Variants in MARCHF7 observed in about 807,000 individuals in gnomAD.
MARCHF7 encodes the protein membrane associated ring-CH-type finger 7.
MARCHF7 carries 20 observed loss-of-function variants against 76.5 expected under a neutral mutation model. The ratio of observed to expected loss-of-function variants is 0.26; its 90% confidence interval spans 0.18 to 0.38. MARCHF7 has a LOEUF of 0.38. MARCHF7 is among the 10% of genes least tolerant of loss of function. MARCHF7 has a pLI of 1.00. For synonymous variants in MARCHF7, 295 were observed against 293.0 expected, an observed-to-expected ratio of 1.01 and a Z score of -0.07; for missense variants, 797 against 812.9, an observed-to-expected ratio of 0.98 and a Z score of 0.24.
At chr2:159,725,685 C>T (rs6732753) in intron 3 of MARCHF7, among the ~76,000 whole-genome samples, 9,645 of 152,200 alleles carry the variant, frequency 0.063, 985 homozygotes, top group African/African-American at 0.22. Context: ...TTTTCCTCTC[C>T]CTGCAACATC....
intron 8 of MARCHF7, among the ~76,000 whole-genome samples, chr2:159,758,887 A>G (rs1441220586): frequency 6.6e-6 from 1 of 152,200 alleles, no homozygotes; most frequent in Admixed American, 6.5e-5. Context: ...CATCACGTCA[A>G]AGTACTTAAG....
chr2:159,737,595 G>A (rs1426806616), intron 4 of MARCHF7, among the ~76,000 whole-genome samples: 1 of 152,172 alleles, frequency 6.6e-6, no homozygotes, highest in Non-Finnish European at 1.5e-5. Flanking sequence ...TGAGACCTGT[G>A]CAACATAGTG....
At chr2:159,732,709 T>A in intron 4 of MARCHF7, 1 of 315,858 alleles carries the variant, frequency 3.2e-6, no homozygotes, top group Non-Finnish European at 4.6e-6. Flanking sequence ...AAAAAATTTT[T>A]CTTATAGAGA....
At chr2:159,739,795 A>G (rs890418034) in intron 4 of MARCHF7, among the ~76,000 whole-genome samples, 1 of 152,188 alleles carries the variant, frequency 6.6e-6, no homozygotes, top group Non-Finnish European at 1.5e-5. Context: ...ATATACTGAC[A>G]TTATGTATAC....
At chr2:159,728,886 C>T (rs1441808246) in intron 3 of MARCHF7, 123 bp from the exon 4 acceptor site, 6 of 507,390 alleles carry the variant, frequency 1.2e-5, no homozygotes, top group Admixed American at 8.4e-5. Flanking sequence ...TCACAATTTA[C>T]GTTGTCAGAT....
intron 7 of MARCHF7, among the ~76,000 whole-genome samples, chr2:159,749,755 A>T (rs1705396318): frequency 6.6e-6 from 1 of 152,090 alleles, no homozygotes; most frequent in African/African-American, 2.4e-5. Context: ...GCGGTTGTGA[A>T]TTGTGTCAGA....
chr2:159,724,013 G>A (rs1043550396), intron 3 of MARCHF7, among the ~76,000 whole-genome samples: 2 of 151,978 alleles, frequency 1.3e-5, no homozygotes, highest in African/African-American at 2.4e-5. Context: ...TTCATATCTT[G>A]TTATTTCCTG....
intron 4 of MARCHF7, 41 bp from the exon 5 acceptor site, chr2:159,743,020 T>A (rs1210748269): frequency 6.5e-7 from 1 of 1,547,750 alleles, no homozygotes; most frequent in South Asian, 1.2e-5. Flanking sequence ...TAGTACTGAA[T>A]GCAGCCTTTT....
chr2:159,736,633 T>C (rs1310992014), intron 4 of MARCHF7, among the ~76,000 whole-genome samples: 1 of 152,222 alleles, frequency 6.6e-6, no homozygotes, highest in Admixed American at 6.5e-5. Flanking sequence ...GAAATAATTT[T>C]CTGAAAGCAA....
At position 159,734,086 on chromosome 2, in the gene MARCHF7, A is replaced by G. The variant is rs1326312106; in HGVS notation, c.153+4911A>G. On this transcript the variant is annotated intron_variant, in intron 4 of 11. Coordinates refer to ENST00000409175, the MANE Select transcript of MARCHF7 (RefSeq NM_001282805.2). Reference sequence around the variant, plus strand: ...TCATCTTATGTCTTTAGTAACAGTAAGCAAAATTTACATGTTTTTAAAGGA... The same window carrying G: ...TCATCTTATGTCTTTAGTAACAGTAGGCAAAATTTACATGTTTTTAAAGGA... The G allele has an allele frequency of 2.2e-6, 3 of 1,334,278 alleles. No homozygotes were observed. The East Asian group carries it at 7.9e-5, about 35-fold the overall frequency. 82.7% of individuals were successfully genotyped at this position (1,334,278 alleles called of 1,614,324 possible).
chr2:159,747,328 T>G (rs1159331295), intron 6 of MARCHF7, among the ~76,000 whole-genome samples: 1 of 152,146 alleles, frequency 6.6e-6, no homozygotes, highest in East Asian at 1.9e-4. Context: ...TTCATAAAAT[T>G]ACAAGGGTTT....
intron 2 of MARCHF7, among the ~76,000 whole-genome samples, 183 bp downstream of exon 2, chr2:159,714,781 T>A (rs1700846727): frequency 6.6e-6 from 1 of 152,052 alleles, no homozygotes; most frequent in Non-Finnish European, 1.5e-5. Context: ...GCGGGTGTAG[T>A]GGTGCGCACT....
intron 11 of MARCHF7, among the ~76,000 whole-genome samples, chr2:159,765,180 T>A (rs1284500172): frequency 6.6e-6 from 1 of 150,738 alleles, no homozygotes; most frequent in East Asian, 1.9e-4. Context: ...TTGTGGGTTT[T>A]TTGTTGTTGG....
Position 159,722,814 on chromosome 2 carries a change from G to A in MARCHF7, c.-14-6195G>A, listed in dbSNP as rs534704198. ...TTCAATCAATTTATGTAGAGGAGTT[G>A]CCAAAAATAGTTCCATACAATATCA... On this transcript the variant is annotated intron_variant, in intron 3 of 11. Transcript: ENST00000409175. 2.6e-5 allele frequency among the ~76,000 whole-genome samples: 4 copies of A among 152,298 alleles called. No homozygotes were observed. In the East Asian group the frequency reaches 5.8e-4, roughly 22 times the overall value.
At position 159,770,266 on chromosome 2, in the gene MARCHF7, A is replaced by C. The variant is rs574066480; in HGVS notation, c.*2924A>C. The C allele has an allele frequency of 6.6e-6, 1 of 152,348 alleles. No individual in the cohort carries two copies. Among genetic ancestry groups the C allele is most frequent in the East Asian group, 1.9e-4 (1 of 5,188 alleles). 9.4% of individuals were successfully genotyped at this position (152,348 alleles called of 1,614,324 possible). A position where few individuals can be genotyped will look rare whatever the true frequency, so the allele number is the denominator to read the frequency against. ...AAAATAGACATCTCAATCACTATAC[A>C]AAATCTCAGAAATGTAAAGCTCTTA... is the stretch of plus-strand genomic sequence containing the variant. On this transcript the variant is annotated 3_prime_UTR_variant, in exon 12 of 12. Transcript: ENST00000409175.
intron 5 of MARCHF7, among the ~76,000 whole-genome samples, 177 bp from the exon 6 acceptor site, chr2:159,745,592 GT>G (rs2125578184): frequency 6.6e-6 from 1 of 152,292 alleles, no homozygotes; most frequent in African/African-American, 2.4e-5. Context: ...GAAGGTGGAG[GT>G]TGCTGTGAGC....
intron 3 of MARCHF7, among the ~76,000 whole-genome samples, chr2:159,717,644 A>T (rs1701185001): frequency 6.6e-6 from 1 of 152,212 alleles, no homozygotes; most frequent in African/African-American, 2.4e-5. Flanking sequence ...CCAGCAAATT[A>T]GAAAGGGAAT....
At position 159,729,160 on chromosome 2, in the gene MARCHF7, G is replaced by A; in HGVS notation, c.138G>A (p.Leu46=). The change falls in exon 4 of 12, where the codon TTG becomes TTA. Residue 46 remains leucine, a synonymous_variant. Transcript: ENST00000409175. ...TYHSRDSSFR[L]DSEYQSTSAS... is the part of the protein sequence containing the mutation. ...ACTCAAGAGACTCTTCATTTAGATT[G>A]GATTCTGAATATCAGGTAACATTTT... is the stretch of plus-strand genomic sequence containing the variant. The A allele has an allele frequency of 6.3e-7, 1 of 1,597,072 alleles. No homozygotes were observed. The highest frequency in any genetic ancestry group is 1.4e-5 in the African/African-American group (1 of 73,944).
chr2:159,744,527 C>T (rs901499398), intron 5 of MARCHF7, among the ~76,000 whole-genome samples: 4 of 152,222 alleles, frequency 2.6e-5, no homozygotes, highest in African/African-American at 9.7e-5. Context: ...TAGCCAGTGC[C>T]AGTGTTTAAG....
Sources: gnomAD v4.1 joint callset for allele counts (sites outside exome capture counted in the v4.1 genomes callset) on GRCh38, gnomAD v4.1.1 for gene constraint, MANE v1.5 for transcripts, NCBI Gene and HGNC (gene_info 2026-07-23, HGNC 2026-07-21) for gene names.